Variants in ADISSP observed in about 807,000 individuals in gnomAD.
ADISSP encodes the protein adipose secreted signaling protein.
At chr20:3,758,932 G>A in the ADISSP span, among the ~76,000 whole-genome samples, 123 of 152,316 alleles carry the variant, frequency 8.1e-4, no homozygotes, top group African/African-American at 2.8e-3. The surrounding 1 kb of genome is among the most constrained non-coding windows in gnomAD (Gnocchi z 5.5). Context: ...TATGACCCTT[G>A]CTTGGAGGGG....
At chr20:3,753,834 G>C in the ADISSP span, 1 of 587,202 alleles carries the variant, frequency 1.7e-6, no homozygotes, top group African/African-American at 1.9e-5. Context: ...CATTTCTTCC[G>C]GCAGGAGACT....
the ADISSP span, among the ~76,000 whole-genome samples, chr20:3,760,567 A>T: frequency 2.0e-5 from 3 of 152,328 alleles, no homozygotes; most frequent in East Asian, 3.9e-4. Context: ...CTGACCCCAA[A>T]GGCTGGGCCT....
chr20:3,762,123 T>C, the ADISSP span, among the ~76,000 whole-genome samples: 1 of 152,050 alleles, frequency 6.6e-6, no homozygotes, highest in Non-Finnish European at 1.5e-5. Context: ...AGTACAAAGA[T>C]TAGCCGGGTG....
At chr20:3,758,466 G>A in the ADISSP span, 4 of 1,466,532 alleles carry the variant, frequency 2.7e-6, no homozygotes, top group African/African-American at 2.8e-5. This position sits in a 1 kb window ranked among gnomAD's most constrained non-coding sequence, Gnocchi z 5.5. Context: ...GAGGAACGGG[G>A]ATAGGCACCC....
chr20:3,761,973 T>G, the ADISSP span, among the ~76,000 whole-genome samples: 2 of 152,162 alleles, frequency 1.3e-5, no homozygotes, highest in African/African-American at 4.8e-5. Context: ...GTTTTTGTTT[T>G]TGTTTTCAAA....
At chr20:3,754,649 A>G in the ADISSP span, 1 of 953,204 alleles carries the variant, frequency 1.0e-6, no homozygotes, top group Admixed American at 2.1e-5. Context: ...AGGGGCAGGG[A>G]TGGCCCTTCT....
the ADISSP span, chr20:3,755,732 A>C: frequency 1.3e-6 from 1 of 750,318 alleles, no homozygotes; most frequent in South Asian, 1.8e-5. Context: ...CAGAAAGCCC[A>C]ACTCCCTCCA....
chr20:3,758,276 C>A, the ADISSP span, among the ~76,000 whole-genome samples: 1 of 152,202 alleles, frequency 6.6e-6, no homozygotes. This position sits in a 1 kb window ranked among gnomAD's most constrained non-coding sequence, Gnocchi z 5.5. Context: ...ACCACAGCCA[C>A]GACACTGCCT....
chr20:3,764,257 G>A, the ADISSP span, among the ~76,000 whole-genome samples: 1 of 152,200 alleles, frequency 6.6e-6, no homozygotes, highest in African/African-American at 2.4e-5. Flanking sequence ...CAGCCAGGAG[G>A]CAGTGACAGC....
chr20:3,756,193 G>A, the ADISSP span, among the ~76,000 whole-genome samples: 1 of 152,232 alleles, frequency 6.6e-6, no homozygotes, highest in Non-Finnish European at 1.5e-5. Context: ...CCCAGAGCTG[G>A]CCCACAGGCC....
the ADISSP span, chr20:3,760,278 C>A: frequency 5.0e-6 from 3 of 597,392 alleles, no homozygotes; most frequent in Non-Finnish European, 9.0e-6. Context: ...AGGAAGGACT[C>A]AAACCCCTAC....
the ADISSP span, among the ~76,000 whole-genome samples, chr20:3,755,110 G>A: frequency 6.6e-6 from 1 of 152,192 alleles, no homozygotes; most frequent in East Asian, 1.9e-4. Flanking sequence ...GTGGGTGCTA[G>A]GAGTTATCCA....
chr20:3,755,405 T>A, the ADISSP span: 1 of 1,521,088 alleles, frequency 6.6e-7, no homozygotes, highest in Non-Finnish European at 9.0e-7. Flanking sequence ...TAGTTGGAAG[T>A]AAGGGAGCAC....
At chr20:3,760,212 A>C in the ADISSP span, 1 of 870,706 alleles carries the variant, frequency 1.1e-6, no homozygotes, top group South Asian at 1.5e-5. Context: ...TGGGGAGGGC[A>C]GGGGTCAGGG....
At chr20:3,766,126 C>A in the ADISSP span, among the ~76,000 whole-genome samples, 1 of 152,226 alleles carries the variant, frequency 6.6e-6, no homozygotes, top group African/African-American at 2.4e-5. Flanking sequence ...CTCTCCTACC[C>A]CAGCCTGGGG....
chr20:3,767,974 C>G, the ADISSP span: 1 of 152,226 alleles, frequency 6.6e-6, no homozygotes, highest in Non-Finnish European at 1.5e-5. Context: ...GCAGGCGGCC[C>G]AACTAGGCCA....
chr20:3,754,482 C>A, the ADISSP span: 1 of 1,614,120 alleles, frequency 6.2e-7, no homozygotes, highest in Non-Finnish European at 8.5e-7. Context: ...TGAGGACGCC[C>A]TCTTTGTGCG....
chr20:3,755,504 T>C, the ADISSP span: 13 of 1,612,644 alleles, frequency 8.1e-6, no homozygotes, highest in Middle Eastern at 3.3e-4. Flanking sequence ...GAGCTTGAGG[T>C]GCAGGCTGGG....
chr20:3,755,489 CT>C, the ADISSP span: 1 of 1,612,258 alleles, frequency 6.2e-7, no homozygotes, highest in Non-Finnish European at 8.5e-7. Context: ...GGGCACCACG[CT>C]GAGGAGCTTG....
Sources: gnomAD v4.1 joint callset for allele counts (sites outside exome capture counted in the v4.1 genomes callset) on GRCh38, gnomAD v4.1.1 for gene constraint, Gnocchi (gnomAD v3.1) non-coding constraint, MANE v1.5 for transcripts, NCBI Gene and HGNC (gene_info 2026-07-23, HGNC 2026-07-21) for gene names.